Variants in LRP1B observed in about 807,000 individuals in gnomAD.
LRP1B encodes low-density lipoprotein receptor-related protein 1B.
In LRP1B, 217 loss-of-function variants were observed where a neutral mutation model predicts 556.6. The ratio of observed to expected loss-of-function variants is 0.39; its 90% CI spans 0.35 to 0.44. The LOEUF (loss-of-function observed/expected upper bound fraction) is 0.44, where lower values mean the gene tolerates loss of function less well. LRP1B is among the 20% of genes least tolerant of loss of function. LRP1B has a pLI of 1.00. For missense variants in LRP1B, 5,053 were observed against 5,620.8 expected, an observed-to-expected ratio of 0.90 and a Z score of 3.23; for synonymous variants, 2,047 against 1,865.8, an observed-to-expected ratio of 1.10 and a Z score of -2.50.
At chr2:140,328,791 CACACAAACACACTTATTTTTCATACACAT>C (rs1432673135) in intron 79 of LRP1B, among the ~76,000 whole-genome samples, 128 of 152,136 alleles carry the variant, frequency 8.4e-4, no homozygotes, top group African/African-American at 3.0e-3. Context: ...TTCATACACA[CACACAAACACACTTATTTTTCATACACAT>C]ACACACACAC....
intron 2 of LRP1B, among the ~76,000 whole-genome samples, chr2:141,646,477 A>T (rs1022168691): frequency 1.3e-5 from 2 of 152,168 alleles, no homozygotes; most frequent in African/African-American, 2.4e-5. Flanking sequence ...TGATATGAAA[A>T]GAATAATACA....
chr2:141,009,212 TAG>T, intron 14 of LRP1B, among the ~76,000 whole-genome samples: 1 of 151,522 alleles, frequency 6.6e-6, no homozygotes, highest in African/African-American at 2.4e-5. Context: ...CTAACTAACA[TAG>T]AGATACTCGA....
At chr2:140,681,090 C>T in intron 41 of LRP1B, among the ~76,000 whole-genome samples, 1 of 152,154 alleles carries the variant, frequency 6.6e-6, no homozygotes, top group Non-Finnish European at 1.5e-5. Flanking sequence ...GTTGTTAACA[C>T]ATTCATGATG....
chr2:140,433,511 C>T (rs1196666832), intron 66 of LRP1B, among the ~76,000 whole-genome samples: 1 of 152,168 alleles, frequency 6.6e-6, no homozygotes, highest in Admixed American at 6.5e-5. Context: ...TGCCGCTCAG[C>T]ATTTAATACG....
chr2:142,022,040 C>T (rs777007391), intron 1 of LRP1B, among the ~76,000 whole-genome samples: 1 of 152,156 alleles, frequency 6.6e-6, no homozygotes, highest in South Asian at 2.1e-4. Context: ...TAGAACACAA[C>T]GAGCATGAAA....
intron 60 of LRP1B, among the ~76,000 whole-genome samples, chr2:140,468,635 C>A (rs1373284646): frequency 6.6e-6 from 1 of 152,286 alleles, no homozygotes; most frequent in African/African-American, 2.4e-5. Context: ...GGAGGCAGGC[C>A]CCCCTGGAAC....
At chr2:141,986,047 G>A (rs1263361317) in intron 1 of LRP1B, among the ~76,000 whole-genome samples, 3 of 151,888 alleles carry the variant, frequency 2.0e-5, no homozygotes, top group Admixed American at 2.0e-4. Context: ...GTAGACATAA[G>A]TAATATGGGC....
chr2:141,138,923 C>A (rs1178730730), intron 7 of LRP1B, among the ~76,000 whole-genome samples: 1 of 151,562 alleles, frequency 6.6e-6, no homozygotes, highest in Non-Finnish European at 1.5e-5. Context: ...TTTGGATAAA[C>A]AACAAAATTG....
chr2:141,833,292 G>T (rs12613418), intron 1 of LRP1B, among the ~76,000 whole-genome samples: 28,859 of 151,548 alleles, frequency 0.19, 2,999 homozygotes, highest in Admixed American at 0.28. Context: ...CATCAGGCTG[G>T]AAATTAATCC....
At chr2:141,969,748 C>G (rs1701673575) in intron 1 of LRP1B, among the ~76,000 whole-genome samples, 2 of 151,646 alleles carry the variant, frequency 1.3e-5, no homozygotes, top group South Asian at 4.1e-4. Flanking sequence ...GATTTCAAAC[C>G]TTTGGGGTAA....
intron 41 of LRP1B, among the ~76,000 whole-genome samples, chr2:140,616,939 T>C (rs1683277572): frequency 6.6e-6 from 1 of 151,910 alleles, no homozygotes; most frequent in Non-Finnish European, 1.5e-5. Flanking sequence ...GAAGCAGCAA[T>C]ACTAACTTTC....
chr2:140,386,124 A>G, intron 66 of LRP1B, 115 bp from the exon 67 acceptor site: 1 of 675,938 alleles, frequency 1.5e-6, no homozygotes, highest in Non-Finnish European at 2.6e-6. Context: ...TTCAGTTACT[A>G]AGAAGCATCC....
intron 2 of LRP1B, among the ~76,000 whole-genome samples, chr2:141,698,112 T>G (rs1691795785): frequency 6.6e-6 from 1 of 151,920 alleles, no homozygotes; most frequent in Non-Finnish European, 1.5e-5. Context: ...GAAAGCATTC[T>G]TACTTTGTGC....
intron 7 of LRP1B, among the ~76,000 whole-genome samples, chr2:141,165,796 T>C (rs925871122): frequency 6.6e-6 from 1 of 152,096 alleles, no homozygotes. Context: ...ATTATTTTAG[T>C]TGGAAATCCT....
At chr2:141,899,665 T>G (rs1699558241) in intron 1 of LRP1B, among the ~76,000 whole-genome samples, 1 of 152,158 alleles carries the variant, frequency 6.6e-6, no homozygotes, top group Non-Finnish European at 1.5e-5. Flanking sequence ...TTTCTTTTCT[T>G]TACCCTTTCT....
rs1559005685 is a variant in LRP1B, at chr2:140,613,328, T to TATAATTATATACATATAAATATAA, written c.6800-11713_6800-11690dup. Among the ~76,000 whole-genome samples the TATAATTATATACATATAAATATAA allele has an allele frequency of 3.8e-4, 43 of 112,642 alleles. 6 individuals are homozygous for TATAATTATATACATATAAATATAA. Among genetic ancestry groups the TATAATTATATACATATAAATATAA allele is most frequent in the Non-Finnish European group, 6.6e-4 (34 of 51,392 alleles). The allele number at this position is 112,642 out of a possible 152,430, so 73.9% of individuals were successfully genotyped here. A position where few individuals can be genotyped will look rare whatever the true frequency, so the allele number is the denominator to read the frequency against. ...AATTATATATAATTATATAAATATA[T>TATAATTATATACATATAAATATAA]ATAATTATATACATATAAATATAAA... is the stretch of plus-strand genomic sequence containing the variant. On this transcript the variant is annotated intron_variant, in intron 41 of 90. Transcript: ENST00000389484.
At chr2:141,635,488 C>G (rs913108774) in intron 2 of LRP1B, among the ~76,000 whole-genome samples, 1 of 152,150 alleles carries the variant, frequency 6.6e-6, no homozygotes, top group Non-Finnish European at 1.5e-5. Context: ...ACTAGCACCT[C>G]TGTTCACTTA....
chr2:141,356,481 G>A lies in LRP1B; in HGVS notation c.344-101840C>T, dbSNP rs575072823. The stretch of plus-strand genomic sequence containing the variant: ...AAGTATGGCAAATACACACTACAGA[G>A]TATGAGGAAATGATCTAAAGGAGAG... On this transcript the variant is annotated intron_variant, in intron 3 of 90. Coordinates refer to ENST00000389484, the MANE Select transcript of LRP1B (RefSeq NM_018557.3). 5.9e-5 allele frequency among the ~76,000 whole-genome samples: 9 copies of A among 152,070 alleles called. No homozygotes were observed. The South Asian group carries it at 1.9e-3, about 32-fold the overall frequency.
At chr2:140,578,706 G>A (rs1010609738) in intron 43 of LRP1B, among the ~76,000 whole-genome samples, 28 of 146,762 alleles carry the variant, frequency 1.9e-4, no homozygotes, top group African/African-American at 6.6e-4. Flanking sequence ...AAACCTGCAC[G>A]TAGTGCACAT....
Sources: allele counts gnomAD v4.1 joint callset (sites outside exome capture counted in the v4.1 genomes callset), GRCh38; gene constraint gnomAD v4.1.1; transcripts MANE v1.5; gene names NCBI Gene and HGNC (gene_info 2026-07-23, HGNC 2026-07-21).